Variants in IL1RAPL2 observed in about 807,000 individuals in gnomAD.
IL1RAPL2 encodes interleukin 1 receptor accessory protein like 2.
Under a neutral mutation model 44.1 loss-of-function variants are expected in IL1RAPL2, and 3 were observed. The observed-to-expected ratio is 0.07, with a 90% CI of 0.03 to 0.18. The LOEUF is 0.18. IL1RAPL2 is among the 10% of genes least tolerant of loss of function. The pLI is 1.00. For missense variants in IL1RAPL2, 391 were observed against 496.4 expected, an observed-to-expected ratio of 0.79 and a Z score of 2.02; for synonymous variants, 181 against 178.8, an observed-to-expected ratio of 1.01 and a Z score of -0.10.
chrX:105,277,664 A>G (rs928041690), intron 5 of IL1RAPL2, among the ~76,000 whole-genome samples: 2 of 111,429 alleles, frequency 1.8e-5, no homozygotes, highest in Admixed American at 1.9e-4. Context: ...AGATATTTCA[A>G]TTCTGTAACT....
intron 6 of IL1RAPL2, among the ~76,000 whole-genome samples, chrX:105,501,415 G>A (rs1349987728): frequency 3.6e-5 from 4 of 110,957 alleles, no homozygotes; most frequent in African/African-American, 1.3e-4. Context: ...TGTGTGGCCA[G>A]GTGTTTACGA....
At chrX:104,713,284 C>A (rs1931493696) in intron 2 of IL1RAPL2, among the ~76,000 whole-genome samples, 1 of 110,501 alleles carries the variant, frequency 9.0e-6, no homozygotes, top group Admixed American at 9.7e-5. Context: ...ATTCTATTAC[C>A]TACTTCTGTC....
chrX:105,572,545 G>C (rs1253100799), intron 6 of IL1RAPL2, among the ~76,000 whole-genome samples: 4 of 112,140 alleles, frequency 3.6e-5, no homozygotes, highest in African/African-American at 1.3e-4. Context: ...CAAGAACCAA[G>C]ATTAGTGCTT....
chrX:105,287,024 G>T (rs908989807), intron 5 of IL1RAPL2, among the ~76,000 whole-genome samples: 2 of 111,918 alleles, frequency 1.8e-5, no homozygotes, highest in African/African-American at 6.5e-5. Context: ...AGAAAATCAC[G>T]CACAGTTCTT....
intron 6 of IL1RAPL2, among the ~76,000 whole-genome samples, chrX:105,518,534 A>C (rs146685433): frequency 3.1e-4 from 35 of 111,366 alleles, no homozygotes; most frequent in African/African-American, 1.1e-3. Context: ...TATGTATTGG[A>C]TTTTGTTTTC....
intron 6 of IL1RAPL2, among the ~76,000 whole-genome samples, chrX:105,529,331 C>T: frequency 9.0e-6 from 1 of 111,183 alleles, no homozygotes; most frequent in Admixed American, 9.6e-5. Context: ...AATTAATAAT[C>T]TGTTGGCAAT....
chrX:105,590,427 AGG>A (rs762589091), intron 6 of IL1RAPL2, among the ~76,000 whole-genome samples: 1 of 110,681 alleles, frequency 9.0e-6, no homozygotes, highest in Non-Finnish European at 1.9e-5. Context: ...GTGCTTAGAG[AGG>A]GCATCCTTGT....
At chrX:105,550,685 T>C (rs146801246) in intron 6 of IL1RAPL2, among the ~76,000 whole-genome samples, 2,584 of 111,262 alleles carry the variant, frequency 0.023, 74 homozygotes, top group African/African-American at 0.079. Context: ...GGAATGTAAT[T>C]TCAATGAGCA....
chrX:104,603,025 A>G (rs1928918992), intron 1 of IL1RAPL2, among the ~76,000 whole-genome samples: 1 of 111,601 alleles, frequency 9.0e-6, no homozygotes, highest in South Asian at 3.8e-4. Flanking sequence ...CGCATGTATC[A>G]TGACTGGAAG....
chrX:104,977,490 C>T (rs768887128), intron 2 of IL1RAPL2, among the ~76,000 whole-genome samples: 1 of 111,872 alleles, frequency 8.9e-6, no homozygotes, highest in East Asian at 2.8e-4. Context: ...GCTGCCTCTC[C>T]ACTGATCACT....
At chrX:104,749,451 G>A (rs1932223745) in intron 2 of IL1RAPL2, among the ~76,000 whole-genome samples, 1 of 111,348 alleles carries the variant, frequency 9.0e-6, no homozygotes, top group Admixed American at 9.6e-5. Flanking sequence ...TGAGAAGATG[G>A]TGAATAGAGT....
At chrX:105,391,889 G>A (rs1428294838) in intron 5 of IL1RAPL2, among the ~76,000 whole-genome samples, 47 of 85,363 alleles carry the variant, frequency 5.5e-4, no homozygotes, top group African/African-American at 1.5e-3. Flanking sequence ...GTAAACTATC[G>A]CAAGAACAAA....
chrX:105,500,025 C>T (rs1455098738), intron 6 of IL1RAPL2, among the ~76,000 whole-genome samples: 2 of 111,737 alleles, frequency 1.8e-5, no homozygotes, highest in African/African-American at 6.5e-5. Flanking sequence ...CTGTCCTATG[C>T]GACAACATGA....
intron 2 of IL1RAPL2, among the ~76,000 whole-genome samples, chrX:104,751,590 C>A (rs17332162): frequency 9.0e-6 from 1 of 110,902 alleles, no homozygotes; most frequent in Non-Finnish European, 1.9e-5. Context: ...GCAGCGAAAT[C>A]AAAATCCTCA....
In IL1RAPL2 at chrX:104,671,934, G is replaced by C. The variant is rs1930612453; in HGVS notation, c.82+12939G>C. Among the ~76,000 whole-genome samples, 3 of 111,038 alleles carry C rather than the reference G, an allele frequency of 2.7e-5. No individual in the cohort carries two copies. The South Asian group carries it at 1.1e-3, about 42-fold the overall frequency. On this transcript the variant is annotated intron_variant, in intron 2 of 10. Coordinates refer to ENST00000372582, the MANE Select transcript of IL1RAPL2 (RefSeq NM_017416.2). ...GGCCTTTGAAACTCTATCCTCATCT[G>C]CAGAGCCCACATTCACATAGACTTT... is the stretch of plus-strand genomic sequence containing the variant.
intron 6 of IL1RAPL2, among the ~76,000 whole-genome samples, chrX:105,523,694 G>A (rs2036575643): frequency 9.0e-6 from 1 of 110,956 alleles, no homozygotes; most frequent in Non-Finnish European, 1.9e-5. Context: ...GTCCACCACT[G>A]ATGCATAAGA....
intron 5 of IL1RAPL2, among the ~76,000 whole-genome samples, chrX:105,422,934 C>T (rs1006821789): frequency 9.0e-6 from 1 of 111,082 alleles, no homozygotes; most frequent in Non-Finnish European, 1.9e-5. Flanking sequence ...AACAAGACAA[C>T]AATTGTCTGC....
intron 5 of IL1RAPL2, among the ~76,000 whole-genome samples, chrX:105,480,227 A>G (rs754002016): frequency 8.9e-6 from 1 of 112,295 alleles, no homozygotes; most frequent in Non-Finnish European, 1.9e-5. Flanking sequence ...TACTAAGTTC[A>G]TGGAAATTGA....
At position 105,128,363 on chromosome X, in the gene IL1RAPL2, A is replaced by G. The variant is rs1602967890; in HGVS notation, c.83-67112A>G. On this transcript the variant is annotated intron_variant, in intron 2 of 10. Coordinates refer to ENST00000372582, the MANE Select transcript of IL1RAPL2 (RefSeq NM_017416.2). ...CCTACATCAGAACTACTTGCCTTCC[A>G]CTACTTTGAAACAATATTAACAACA... 2.7e-5 allele frequency among the ~76,000 whole-genome samples: 3 copies of G among 110,745 alleles called. No homozygotes were observed. In the South Asian group the frequency reaches 1.1e-3, roughly 42 times the overall value.
Sources: allele counts gnomAD v4.1 joint callset (sites outside exome capture counted in the v4.1 genomes callset), GRCh38; gene constraint gnomAD v4.1.1; transcripts MANE v1.5; gene names NCBI Gene and HGNC (gene_info 2026-07-23, HGNC 2026-07-21).